The following ADGRB3 variants were observed in gnomAD, a reference collection of about 807,000 sequenced individuals.
ADGRB3 encodes adhesion G protein-coupled receptor B3.
In ADGRB3, 37 loss-of-function variants were observed where a neutral mutation model predicts 193.4. The ratio of observed to expected loss-of-function variants is 0.19; its 90% confidence interval spans 0.15 to 0.25. The LOEUF is 0.25. Ranked by LOEUF, ADGRB3 falls within the 10% of genes least tolerant of loss-of-function variation. ADGRB3 has a pLI of 1.00. For missense variants in ADGRB3, 1,637 were observed against 1,852.9 expected (o/e 0.88, Z 2.14); for synonymous variants, 690 against 644.2 (o/e 1.07, Z -1.08).
Position 69,046,046 on chromosome 6 carries a change from C to T in ADGRB3, c.2108-2139C>T, listed in dbSNP as rs188455069. Among the ~76,000 whole-genome samples the T allele has an allele frequency of 1.3e-3, 200 of 152,152 alleles. 1 individual carries two copies. The highest frequency in any genetic ancestry group is 4.5e-3 in the African/African-American group (188 of 41,514). Reference sequence around the variant, plus strand: ...ATGGATTTATGAATATGGTATTAGACGAGCATTTATTATGAGTAAAGTGAT... The same window carrying T: ...ATGGATTTATGAATATGGTATTAGATGAGCATTTATTATGAGTAAAGTGAT... On this transcript the variant is annotated intron_variant, in intron 13 of 31. Transcript: ENST00000370598.
chr6:69,131,631 AT>A (rs1380170993), intron 17 of ADGRB3, among the ~76,000 whole-genome samples: 1 of 151,938 alleles, frequency 6.6e-6, no homozygotes, highest in Admixed American at 6.6e-5. Flanking sequence ...TTCGTTTTTT[AT>A]TTTTTTAATA....
At chr6:69,038,470 A>G (rs79115913) in intron 13 of ADGRB3, among the ~76,000 whole-genome samples, 28 of 152,278 alleles carry the variant, frequency 1.8e-4, no homozygotes, top group African/African-American at 6.5e-4. Flanking sequence ...CTGAGGAAAG[A>G]GGGGGAATTT....
chr6:69,259,424 G>A (rs956616653), intron 20 of ADGRB3, among the ~76,000 whole-genome samples: 25 of 152,202 alleles, frequency 1.6e-4, no homozygotes, highest in South Asian at 4.1e-4. Flanking sequence ...GGCTGGGCGC[G>A]GTGGCTCACG....
chr6:68,867,202 G>T (rs1343974547), intron 3 of ADGRB3, among the ~76,000 whole-genome samples: 2 of 152,112 alleles, frequency 1.3e-5, no homozygotes, highest in Non-Finnish European at 2.9e-5. Flanking sequence ...CTAGTCCCAG[G>T]GTGCTGCTTC....
chr6:68,655,535 C>A (rs1482278887), intron 3 of ADGRB3, among the ~76,000 whole-genome samples: 1 of 151,706 alleles, frequency 6.6e-6, no homozygotes, highest in Non-Finnish European at 1.5e-5. Context: ...TAATCAATTT[C>A]TTTAATGGAC....
chr6:69,097,171 C>T (rs1258078148), intron 17 of ADGRB3, among the ~76,000 whole-genome samples: 1 of 152,148 alleles, frequency 6.6e-6, no homozygotes, highest in Non-Finnish European at 1.5e-5. Flanking sequence ...GTGTTGATGC[C>T]ACTTATCACA....
chr6:68,793,345 T>C (rs2127367496), intron 3 of ADGRB3, among the ~76,000 whole-genome samples: 1 of 152,282 alleles, frequency 6.6e-6, no homozygotes, highest in Non-Finnish European at 1.5e-5. Flanking sequence ...TACCAAGTAA[T>C]GCTATTCTAC....
chr6:69,039,513 C>A (rs367914069), intron 13 of ADGRB3, among the ~76,000 whole-genome samples: 3 of 151,934 alleles, frequency 2.0e-5, no homozygotes, highest in Admixed American at 2.0e-4. Context: ...CACATAGTCT[C>A]CATTGCAATT....
intron 31 of ADGRB3, among the ~76,000 whole-genome samples, chr6:69,385,238 A>C (rs1770042694): frequency 6.6e-6 from 1 of 152,046 alleles, no homozygotes; most frequent in East Asian, 1.9e-4. Flanking sequence ...ACTTTTTAAA[A>C]ATAAGCATAC....
At chr6:69,175,628 TC>T (rs1301186434) in intron 17 of ADGRB3, among the ~76,000 whole-genome samples, 1 of 152,206 alleles carries the variant, frequency 6.6e-6, no homozygotes, top group African/African-American at 2.4e-5. Flanking sequence ...TTCAGGCTCT[TC>T]TTTGGTTTCA....
At chr6:68,859,046 T>G (rs559722279) in intron 3 of ADGRB3, among the ~76,000 whole-genome samples, 68 of 151,366 alleles carry the variant, frequency 4.5e-4, no homozygotes, top group African/African-American at 1.5e-3. Flanking sequence ...TTGCAAACTT[T>G]TGTGCTCTGT....
At chr6:69,043,972 C>T (rs1322459867) in intron 13 of ADGRB3, among the ~76,000 whole-genome samples, 1 of 152,068 alleles carries the variant, frequency 6.6e-6, no homozygotes, top group African/African-American at 2.4e-5. Flanking sequence ...ACCCGGAAGG[C>T]GGAGCTTGCA....
Position 68,884,200 on chromosome 6 carries a change from C to T in ADGRB3, c.758-46359C>T, listed in dbSNP as rs186936847. ...GCTTTAACATATACTCTTTCACTTC[C>T]TTAGTAGGTACTTTATGAGCACTTC... On this transcript the variant is annotated intron_variant, in intron 3 of 31. Transcript: ENST00000370598. Among the ~76,000 whole-genome samples the T allele has an allele frequency of 7.7e-3, 1,173 of 152,168 alleles. 8 individuals carry two copies. Among genetic ancestry groups the T allele is most frequent in the Non-Finnish European group, 0.014 (980 of 68,008 alleles).
intron 15 of ADGRB3, among the ~76,000 whole-genome samples, chr6:69,060,238 C>CTCTCTT (rs1374728483): frequency 1.3e-5 from 2 of 151,444 alleles, no homozygotes; most frequent in Non-Finnish European, 3.0e-5. Context: ...CTCTCTCTCT[C>CTCTCTT]TCTCTCTCTC....
At chr6:68,936,038 T>C (rs1236454042) in intron 4 of ADGRB3, among the ~76,000 whole-genome samples, 1 of 152,184 alleles carries the variant, frequency 6.6e-6, no homozygotes, top group East Asian at 1.9e-4. Context: ...ATAAATTAGA[T>C]GCGTCCAAGC....
At chr6:68,764,158 C>T (rs980429523) in intron 3 of ADGRB3, among the ~76,000 whole-genome samples, 8 of 152,126 alleles carry the variant, frequency 5.3e-5, no homozygotes, top group Admixed American at 1.3e-4. Flanking sequence ...CTCTCTCATG[C>T]GATCTCGACC....
At chr6:68,826,661 G>A (rs1238215102) in intron 3 of ADGRB3, among the ~76,000 whole-genome samples, 1 of 152,178 alleles carries the variant, frequency 6.6e-6, no homozygotes, top group African/African-American at 2.4e-5. Context: ...ACCCCAGGAG[G>A]CTATTATAGC....
chr6:69,257,016 T>A (rs1454695784), intron 20 of ADGRB3, among the ~76,000 whole-genome samples: 1 of 152,162 alleles, frequency 6.6e-6, no homozygotes, highest in South Asian at 2.1e-4. Flanking sequence ...TATTGATTTG[T>A]GTATTTTGAA....
At chr6:68,651,856 C>T (rs1768373803) in intron 3 of ADGRB3, among the ~76,000 whole-genome samples, 1 of 152,064 alleles carries the variant, frequency 6.6e-6, no homozygotes. Flanking sequence ...ATCAGTGTCT[C>T]CATATGTAGC....
Sources: gnomAD v4.1 joint callset for allele counts (sites outside exome capture counted in the v4.1 genomes callset) on GRCh38, gnomAD v4.1.1 for gene constraint, MANE v1.5 for transcripts, NCBI Gene and HGNC (gene_info 2026-07-23, HGNC 2026-07-21) for gene names.